Variants in MGAT4C observed in about 807,000 individuals in gnomAD.
MGAT4C encodes the protein alpha-1,3-mannosyl-glycoprotein 4-beta-N-acetylglucosaminyltransferase C.
MGAT4C carries 19 observed loss-of-function variants against 40.1 expected under a neutral mutation model. That is an observed-to-expected ratio of 0.47 (90% CI 0.33 to 0.70). MGAT4C has a LOEUF of 0.70. MGAT4C is among the 30% of genes least tolerant of loss of function. The pLI is 0.02. For synonymous variants in MGAT4C, 181 were observed against 187.1 expected (o/e 0.97, Z 0.27); for missense variants, 491 against 563.2 (o/e 0.87, Z 1.30).
intron 2 of MGAT4C, among the ~76,000 whole-genome samples, chr12:86,723,500 C>T (rs537155590): frequency 1.3e-5 from 2 of 152,260 alleles, no homozygotes; most frequent in East Asian, 1.9e-4. Context: ...CTTTGTCTGT[C>T]GCTGGCCATC....
At chr12:86,825,733 A>G (rs1399115068) in intron 1 of MGAT4C, among the ~76,000 whole-genome samples, 1 of 151,456 alleles carries the variant, frequency 6.6e-6, no homozygotes, top group Non-Finnish European at 1.5e-5. Context: ...TAAACTTATC[A>G]TCACTGGCTC....
intron 2 of MGAT4C, among the ~76,000 whole-genome samples, chr12:86,648,865 A>C (rs371706011): frequency 1.8e-4 from 27 of 151,984 alleles, no homozygotes; most frequent in South Asian, 1.2e-3. Context: ...TTCGTATGTA[A>C]TTGCAAGTAA....
intron 3 of MGAT4C, among the ~76,000 whole-genome samples, chr12:86,424,452 T>C (rs1162044423): frequency 2.6e-5 from 4 of 152,154 alleles, no homozygotes; most frequent in Non-Finnish European, 5.9e-5. Flanking sequence ...ATGTTGGCTA[T>C]ATACTTCTTA....
intron 2 of MGAT4C, among the ~76,000 whole-genome samples, chr12:86,544,349 C>T (rs1959182559): frequency 6.6e-6 from 1 of 151,486 alleles, no homozygotes; most frequent in Admixed American, 6.6e-5. Flanking sequence ...TTAATCAATT[C>T]AATTATATTT....
rs1360075397 is a variant in MGAT4C, at chr12:86,684,408, C to A, written c.-229+42801G>T. ...AGTATTCCATGGTATATATGTGCCA[C>A]ATTTTCTTTATCCAGTCTATCATTG... On this transcript the variant is annotated intron_variant, in intron 2 of 7. Transcript: ENST00000548651. Among the ~76,000 whole-genome samples the A allele has an allele frequency of 2.0e-5, 3 of 152,218 alleles. No individual in the cohort carries two copies. The East Asian group carries it at 5.8e-4, about 29-fold the overall frequency.
intron 3 of MGAT4C, among the ~76,000 whole-genome samples, chr12:86,360,729 A>G (rs1168791982): frequency 6.6e-6 from 1 of 152,248 alleles, no homozygotes; most frequent in African/African-American, 2.4e-5. Context: ...GTAAACTCTC[A>G]TTCACAATTG....
At chr12:86,717,186 A>G (rs1950658213) in intron 2 of MGAT4C, among the ~76,000 whole-genome samples, 1 of 152,044 alleles carries the variant, frequency 6.6e-6, no homozygotes, top group Admixed American at 6.6e-5. Context: ...ATTATTACAA[A>G]AAAAAAAGCT....
chr12:86,414,535 C>T (rs910865155), intron 3 of MGAT4C, among the ~76,000 whole-genome samples: 9 of 151,944 alleles, frequency 5.9e-5, no homozygotes, highest in African/African-American at 2.2e-4. Flanking sequence ...CAGAAAAATC[C>T]CATTTTTAAA....
chr12:86,476,992 G>A (rs1392296557), intron 2 of MGAT4C, among the ~76,000 whole-genome samples: 1 of 151,898 alleles, frequency 6.6e-6, no homozygotes, highest in Non-Finnish European at 1.5e-5. Context: ...CTGACCATCT[G>A]GGTGATGGAA....
At chr12:86,710,802 C>T (rs188654750) in intron 2 of MGAT4C, among the ~76,000 whole-genome samples, 13 of 152,184 alleles carry the variant, frequency 8.5e-5, no homozygotes, top group East Asian at 3.9e-4. Flanking sequence ...CATCAACGAA[C>T]GAGTGGATGA....
chr12:86,507,500 G>C (rs1051159189), intron 2 of MGAT4C, among the ~76,000 whole-genome samples: 1 of 152,112 alleles, frequency 6.6e-6, no homozygotes, highest in African/African-American at 2.4e-5. Context: ...GTTTGGGTTT[G>C]TTCTCTAGTT....
chr12:86,483,612 T>G (rs968063581), intron 2 of MGAT4C, among the ~76,000 whole-genome samples: 1 of 151,766 alleles, frequency 6.6e-6, no homozygotes, highest in Admixed American at 6.6e-5. Context: ...TATATTTATA[T>G]TTTAGACAAA....
At chr12:86,754,457 T>G (rs182076683) in intron 1 of MGAT4C, among the ~76,000 whole-genome samples, 57 of 152,204 alleles carry the variant, frequency 3.7e-4, no homozygotes, top group Admixed American at 7.2e-4. Flanking sequence ...ATTGTAGACT[T>G]TAAATATGTG....
chr12:86,738,965 G>A (rs1437140364), intron 1 of MGAT4C, among the ~76,000 whole-genome samples: 2 of 150,556 alleles, frequency 1.3e-5, no homozygotes, highest in Non-Finnish European at 1.5e-5. Flanking sequence ...AGCTATAGCA[G>A]AAAGGGACAA....
rs144919292 is a variant in MGAT4C at position 86,666,726 on chromosome 12, T to C, written c.-229+60483A>G. On this transcript the variant is annotated intron_variant, in intron 2 of 7. Coordinates refer to the MGAT4C transcript ENST00000548651. Reference sequence around the variant, plus strand: ...TTTGAGAAAAAGATTTCAAGTTTTTTTCCTGAGGTATTATGAGTTTAGCAC... The same window carrying C: ...TTTGAGAAAAAGATTTCAAGTTTTTCTCCTGAGGTATTATGAGTTTAGCAC... Among the ~76,000 whole-genome samples the C allele has an allele frequency of 4.6e-5, 7 of 152,308 alleles. No homozygotes were observed. The East Asian group carries it at 1.4e-3, about 29-fold the overall frequency.
At chr12:86,410,139 T>C (rs1592808473) in intron 3 of MGAT4C, among the ~76,000 whole-genome samples, 1 of 152,166 alleles carries the variant, frequency 6.6e-6, no homozygotes, top group East Asian at 1.9e-4. Context: ...AGGGACTATG[T>C]TCGGCTGTGC....
rs376162025 is a variant in MGAT4C at position 86,414,870 on chromosome 12, A to C, written c.-120+20287T>G. 1.1e-4 allele frequency among the ~76,000 whole-genome samples: 16 copies of C among 152,210 alleles called. No homozygotes were observed. In the East Asian group the frequency reaches 2.7e-3, roughly 26 times the overall value. The stretch of plus-strand genomic sequence containing the variant: ...ATTTTATGCTGCTGCATTCCATGTT[A>C]TTAATGATAGTTCATTTTATAGACC... On this transcript the variant is annotated intron_variant, in intron 3 of 7. Transcript: ENST00000548651.
At chr12:86,552,897 A>T (rs1377543884) in intron 2 of MGAT4C, among the ~76,000 whole-genome samples, 1 of 152,074 alleles carries the variant, frequency 6.6e-6, no homozygotes, top group East Asian at 1.9e-4. Context: ...TTTTAATGCC[A>T]TTATTTTTTA....
chr12:86,617,247 A>G (rs1457020971), intron 2 of MGAT4C, among the ~76,000 whole-genome samples: 4 of 152,194 alleles, frequency 2.6e-5, no homozygotes, highest in Admixed American at 6.5e-5. Flanking sequence ...AGATAGATTT[A>G]GTATTTGTGC....
Sources: gnomAD v4.1 joint callset for allele counts (sites outside exome capture counted in the v4.1 genomes callset) on GRCh38, gnomAD v4.1.1 for gene constraint, MANE v1.5 for transcripts, NCBI Gene and HGNC (gene_info 2026-07-23, HGNC 2026-07-21) for gene names.